The following PXT1 variants were observed in gnomAD, a reference collection of about 807,000 sequenced individuals.
The protein encoded by PXT1 is peroxisomal testis enriched protein 1, also known as peroxisomal testis-specific protein 1.
PXT1 carries 11 observed loss-of-function variants against 11.0 expected under a neutral mutation model. The observed-to-expected ratio is 1.00, with a 90% CI of 0.63 to 1.66. PXT1 has a LOEUF of 1.66. Ranked by LOEUF, PXT1 falls within the 40% of genes most tolerant of loss-of-function variation. PXT1 has a pLI of 0.00. For synonymous variants in PXT1, 43 were observed against 51.4 expected, an observed-to-expected ratio of 0.84 and a Z score of 0.70; for missense variants, 141 against 155.5, an observed-to-expected ratio of 0.91 and a Z score of 0.49.
intron 3 of PXT1, among the ~76,000 whole-genome samples, chr6:36,405,831 T>C (rs939061359): frequency 7.9e-5 from 12 of 152,204 alleles, no homozygotes; most frequent in African/African-American, 2.9e-4. Flanking sequence ...ACAAACACCA[T>C]TGTGTTACAA....
At chr6:36,400,910 C>A (rs1173584776) in intron 3 of PXT1, among the ~76,000 whole-genome samples, 1 of 151,732 alleles carries the variant, frequency 6.6e-6, no homozygotes, top group Non-Finnish European at 1.5e-5. Flanking sequence ...GCAGAGGTTG[C>A]AGTGAGCCAA....
chr6:36,411,173 G>A (rs1487430226), intron 3 of PXT1, among the ~76,000 whole-genome samples: 1 of 152,184 alleles, frequency 6.6e-6, no homozygotes, highest in Non-Finnish European at 1.5e-5. Context: ...CCATGGCTGG[G>A]CACAGTGGCT....
intron 3 of PXT1, among the ~76,000 whole-genome samples, chr6:36,406,954 T>C (rs1339905013): frequency 1.3e-5 from 2 of 152,224 alleles, no homozygotes; most frequent in African/African-American, 2.4e-5. Flanking sequence ...TAGATTTCTC[T>C]TCCCTGCAGC....
At chr6:36,408,960 A>G (rs1774329498) in intron 3 of PXT1, among the ~76,000 whole-genome samples, 1 of 152,154 alleles carries the variant, frequency 6.6e-6, no homozygotes, top group African/African-American at 2.4e-5. Flanking sequence ...TGAGAATCCT[A>G]CGTAAGGACC....
At chr6:36,423,353 C>T (rs1024619194) in intron 3 of PXT1, among the ~76,000 whole-genome samples, 5 of 152,266 alleles carry the variant, frequency 3.3e-5, no homozygotes, top group African/African-American at 4.8e-5. Context: ...GGGCGCGCGA[C>T]CCGCGCAACC....
intron 2 of PXT1, among the ~76,000 whole-genome samples, chr6:36,436,113 CAAAAAAAAAA>C (rs11294829): frequency 1.7e-5 from 1 of 60,094 alleles, no homozygotes; most frequent in Non-Finnish European, 3.3e-5. Flanking sequence ...AAAAGTAAGC[CAAAAAAAAAA>C]AAAAAAAAAG....
intron 2 of PXT1, among the ~76,000 whole-genome samples, chr6:36,435,470 G>A (rs917567912): frequency 1.3e-5 from 2 of 152,140 alleles, no homozygotes; most frequent in African/African-American, 4.8e-5. Flanking sequence ...GGCTGAGGCA[G>A]GAGGATACTT....
At chr6:36,419,929 A>C (rs1006894259) in intron 3 of PXT1, among the ~76,000 whole-genome samples, 6 of 152,230 alleles carry the variant, frequency 3.9e-5, no homozygotes, top group African/African-American at 1.4e-4. Flanking sequence ...GTGTGGGAAG[A>C]GAGGGCCAGG....
At chr6:36,394,728 A>AC in intron 4 of PXT1, among the ~76,000 whole-genome samples, 1 of 151,600 alleles carries the variant, frequency 6.6e-6, no homozygotes, top group East Asian at 1.9e-4. Context: ...CCGGGTTTAA[A>AC]AAAAAAACTG....
intron 3 of PXT1, among the ~76,000 whole-genome samples, chr6:36,416,284 G>C (rs1037617420): frequency 6.6e-6 from 1 of 152,098 alleles, no homozygotes; most frequent in African/African-American, 2.4e-5. Flanking sequence ...AGGAGCTGGC[G>C]GCTGCAGTGA....
At chr6:36,428,828 G>A (rs899814694) in intron 2 of PXT1, among the ~76,000 whole-genome samples, 1 of 151,520 alleles carries the variant, frequency 6.6e-6, no homozygotes, top group Non-Finnish European at 1.5e-5. Flanking sequence ...GCTAATTTCT[G>A]TATTTTTAGT....
chr6:36,402,031 G>C (rs1033595434), intron 3 of PXT1, among the ~76,000 whole-genome samples: 5 of 151,174 alleles, frequency 3.3e-5, no homozygotes, highest in Admixed American at 6.6e-5. Context: ...AGCTGGTCTT[G>C]GTTTTAAACT....
intron 3 of PXT1, among the ~76,000 whole-genome samples, chr6:36,415,956 C>G (rs1774440595): frequency 6.6e-6 from 1 of 152,046 alleles, no homozygotes; most frequent in African/African-American, 2.4e-5. Context: ...CTGAAGACAT[C>G]AATTTTGTAT....
intron 4 of PXT1, among the ~76,000 whole-genome samples, chr6:36,392,865 G>A (rs1053330717): frequency 3.9e-5 from 6 of 152,104 alleles, no homozygotes; most frequent in African/African-American, 1.4e-4. Context: ...GTTGAAATGC[G>A]GCTTCTCTGC....
intron 3 of PXT1, among the ~76,000 whole-genome samples, chr6:36,423,745 C>G (rs1561931763): frequency 6.6e-6 from 1 of 152,098 alleles, no homozygotes; most frequent in South Asian, 2.1e-4. Context: ...GAAAGGCAAC[C>G]CAGGTGTCCT....
intron 2 of PXT1, among the ~76,000 whole-genome samples, chr6:36,426,982 T>C (rs999298812): frequency 6.6e-6 from 1 of 151,758 alleles, no homozygotes; most frequent in Non-Finnish European, 1.5e-5. Context: ...TCAATCCAAA[T>C]GAGATGAAGA....
chr6:36,405,707 A>G (rs1463439987), intron 3 of PXT1, among the ~76,000 whole-genome samples: 1 of 152,212 alleles, frequency 6.6e-6, no homozygotes, highest in Non-Finnish European at 1.5e-5. Flanking sequence ...CCACTCACTC[A>G]GTGACTTGCC....
At chr6:36,436,113 C>CAAAAAAAAAAAAAAAAAAGA (rs1774759634) in intron 2 of PXT1, among the ~76,000 whole-genome samples, 2 of 60,094 alleles carry the variant, frequency 3.3e-5, no homozygotes, top group South Asian at 6.7e-4. Flanking sequence ...AAAAGTAAGC[C>CAAAAAAAAAAAAAAAAAAGA]AAAAAAAAAA....
At chr6:36,430,858 A>G (rs1774682358) in intron 2 of PXT1, among the ~76,000 whole-genome samples, 2 of 152,078 alleles carry the variant, frequency 1.3e-5, no homozygotes. Flanking sequence ...GCAGTGGCCC[A>G]AGCTGGAGTG....
Sources: gnomAD v4.1 joint callset for allele counts (sites outside exome capture counted in the v4.1 genomes callset) on GRCh38, gnomAD v4.1.1 for gene constraint, MANE v1.5 for transcripts, NCBI Gene and HGNC (gene_info 2026-07-23, HGNC 2026-07-21) for gene names.